The following TMC1 variants were observed in gnomAD, a reference collection of about 807,000 sequenced individuals.
The protein encoded by TMC1 is transmembrane channel like 1.
In TMC1, 84 loss-of-function variants were observed where a neutral mutation model predicts 105.8. The ratio of observed to expected loss-of-function variants is 0.79; its 90% CI spans 0.67 to 0.95. The LOEUF is 0.95. Among genes scored for constraint, TMC1 ranks in the 40% least tolerant of loss-of-function variants. The probability of loss-of-function intolerance (pLI) is 0.00; values close to 1 mark genes in which losing one functional copy is unlikely to be tolerated. For synonymous variants in TMC1, 315 were observed against 311.5 expected (o/e 1.01, Z -0.12); for missense variants, 817 against 914.1 (o/e 0.89, Z 1.37).
chr9:72,803,633 A>T (rs1165119890), intron 17 of TMC1, among the ~76,000 whole-genome samples: 4 of 152,174 alleles, frequency 2.6e-5, no homozygotes. Flanking sequence ...ATGAAAAAAC[A>T]CTCAACATCA....
intron 10 of TMC1, 100 bp downstream of exon 10, chr9:72,742,625 T>TGG: frequency 1.0e-6 from 1 of 955,552 alleles, no homozygotes; most frequent in Non-Finnish European, 1.6e-6. Context: ...TTGGGAAGAC[T>TGG]AGAAACAAAC....
At chr9:72,533,762 G>A (rs4305962) in intron 1 of TMC1, among the ~76,000 whole-genome samples, 79,729 of 151,976 alleles carry the variant, frequency 0.52, 21,853 homozygotes, top group African/African-American at 0.69. Context: ...GGTTTCATGC[G>A]TTTCTCTCTC....
At chr9:72,550,590 G>A (rs367738618) in intron 1 of TMC1, among the ~76,000 whole-genome samples, 1 of 149,366 alleles carries the variant, frequency 6.7e-6, no homozygotes, top group South Asian at 2.1e-4. Context: ...CCCAGGAGGC[G>A]GAGCTTGCAG....
intron 3 of TMC1, among the ~76,000 whole-genome samples, chr9:72,623,147 G>GTTTTTTTTTTTTTTTT (rs1162181237): frequency 5.3e-5 from 6 of 113,678 alleles, no homozygotes; most frequent in Non-Finnish European, 8.6e-5. Context: ...CTCTCTCCCT[G>GTTTTTTTTTTTTTTTT]TTTTTTTTTT....
chr9:72,782,731 C>T (rs1217403524), intron 13 of TMC1, among the ~76,000 whole-genome samples: 1 of 152,048 alleles, frequency 6.6e-6, no homozygotes, highest in African/African-American at 2.4e-5. Context: ...TATAGCTAAC[C>T]AGGGAGGTGA....
In TMC1 at chr9:72,729,346, G is replaced by A. The variant is rs7848223; in HGVS notation, c.363-10773G>A. ...TCCAAAAGGAACTATACCAAAATAC[G>A]TCAGACATAAAAGTTAAGAGGTTAT... is the stretch of plus-strand genomic sequence containing the variant. On this transcript the variant is annotated intron_variant, in intron 8 of 23. Coordinates refer to ENST00000297784, the MANE Select transcript of TMC1 (RefSeq NM_138691.3). Among the ~76,000 whole-genome samples, 1,009 of 152,066 alleles carry A rather than the reference G, an allele frequency of 6.6e-3. 6 individuals are homozygous for A. The highest frequency in any genetic ancestry group is 0.022 in the African/African-American group (900 of 41,496).
At chr9:72,647,587 A>G (rs1825735743) in intron 4 of TMC1, among the ~76,000 whole-genome samples, 1 of 152,326 alleles carries the variant, frequency 6.6e-6, no homozygotes, top group East Asian at 1.9e-4. Context: ...ATTAAAATCC[A>G]GTATCTAGAA....
intron 1 of TMC1, among the ~76,000 whole-genome samples, chr9:72,540,880 A>G (rs1165190808): frequency 6.6e-6 from 1 of 152,226 alleles, no homozygotes; most frequent in Non-Finnish European, 1.5e-5. Flanking sequence ...ATGGAGCTAC[A>G]ATAGTACCTC....
intron 1 of TMC1, among the ~76,000 whole-genome samples, chr9:72,556,786 A>G (rs937369144): frequency 1.3e-5 from 2 of 151,970 alleles, no homozygotes; most frequent in African/African-American, 4.8e-5. Context: ...CCGCCACTGC[A>G]CTCTAGCCTG....
At chr9:72,618,975 G>T (rs1381398897) in intron 3 of TMC1, among the ~76,000 whole-genome samples, 3 of 152,220 alleles carry the variant, frequency 2.0e-5, no homozygotes, top group African/African-American at 7.2e-5. Context: ...ACAATAAACA[G>T]CCCTAGTGCC....
At chr9:72,555,281 C>T (rs1279408551) in intron 1 of TMC1, among the ~76,000 whole-genome samples, 2 of 149,952 alleles carry the variant, frequency 1.3e-5, no homozygotes, top group African/African-American at 4.9e-5. Flanking sequence ...CAGCAACCTC[C>T]ATCTCCCGGG....
At chr9:72,570,819 G>C (rs7855932) in intron 1 of TMC1, among the ~76,000 whole-genome samples, 1,667 of 148,154 alleles carry the variant, frequency 0.011, 33 homozygotes, top group African/African-American at 0.038. Flanking sequence ...CTCCTGAGTA[G>C]CTGGGATTAC....
chr9:72,821,038 A>G lies in TMC1; in HGVS notation c.1960A>G (p.Met654Val), dbSNP rs121908074. Reference sequence around the variant, plus strand: ...CCTGTCCACAATGCCTGTCTTGTACATGATCGTGTCCCTCCCACCATCTTT... The same window carrying G: ...CCTGTCCACAATGCCTGTCTTGTACGTGATCGTGTCCCTCCCACCATCTTT... The part of the protein sequence containing the change: ...LFLSTMPVLY[M>V]IVSLPPSFDC... Residue 654 changes from methionine to valine, a missense_variant, in exon 20 of 24, where the codon ATG (methionine) becomes GTG (valine). Physicochemically the swap from Met to Val is conservative, Grantham distance 21. Transcript: ENST00000297784. The G allele has an allele frequency of 1.9e-6, 3 of 1,614,048 alleles. No individual in the cohort carries two copies. The highest frequency in any genetic ancestry group is 2.7e-5 in the African/African-American group (2 of 74,912).
chr9:72,670,930 A>G (rs989817360), intron 5 of TMC1, among the ~76,000 whole-genome samples: 12 of 152,218 alleles, frequency 7.9e-5, no homozygotes, highest in African/African-American at 2.9e-4. Flanking sequence ...AGAGACTGTG[A>G]CTAAAGACCA....
chr9:72,587,536 G>A (rs1824574147), intron 2 of TMC1, among the ~76,000 whole-genome samples: 1 of 152,132 alleles, frequency 6.6e-6, no homozygotes, highest in South Asian at 2.1e-4. Flanking sequence ...GTCCAGCATG[G>A]GTTGGCAACA....
At chr9:72,683,580 C>CT (rs1252837486) in intron 5 of TMC1, among the ~76,000 whole-genome samples, 2 of 150,240 alleles carry the variant, frequency 1.3e-5, no homozygotes, top group Non-Finnish European at 3.0e-5. Context: ...CCTTTTCTCT[C>CT]TTTTTTTCCC....
chr9:72,653,912 C>A (rs1466884098), intron 5 of TMC1, among the ~76,000 whole-genome samples: 1 of 152,162 alleles, frequency 6.6e-6, no homozygotes, highest in Non-Finnish European at 1.5e-5. Flanking sequence ...TGCCTGACTT[C>A]TTACATTTAG....
intron 1 of TMC1, among the ~76,000 whole-genome samples, chr9:72,546,378 A>G (rs940863845): frequency 6.6e-6 from 1 of 152,214 alleles, no homozygotes; most frequent in Non-Finnish European, 1.5e-5. Flanking sequence ...AAAACCACTG[A>G]ATGATTGAAA....
chr9:72,796,286 G>C (rs1469879356), intron 17 of TMC1, among the ~76,000 whole-genome samples: 1 of 152,118 alleles, frequency 6.6e-6, no homozygotes, highest in Non-Finnish European at 1.5e-5. Flanking sequence ...AATTCTACCA[G>C]ATGTACAAAG....
Sources: allele counts gnomAD v4.1 joint callset (sites outside exome capture counted in the v4.1 genomes callset), GRCh38; gene constraint gnomAD v4.1.1; transcripts MANE v1.5; gene names NCBI Gene and HGNC (gene_info 2026-07-23, HGNC 2026-07-21).